The following TTC28 variants were observed in gnomAD, a reference collection of about 807,000 sequenced individuals.
TTC28 encodes the protein tetratricopeptide repeat domain 28, also known as tetratricopeptide repeat protein 28.
Under a neutral mutation model 198.0 loss-of-function variants are expected in TTC28, and 61 were observed. The observed-to-expected ratio is 0.31, with a 90% CI of 0.25 to 0.38. The LOEUF (loss-of-function observed/expected upper bound fraction) is 0.38. TTC28 is among the 10% of genes least tolerant of loss of function. The pLI, the probability that TTC28 is intolerant of heterozygous loss-of-function variation, is 1.00. For missense variants in TTC28, 2,678 were observed against 3,164.0 expected, an observed-to-expected ratio of 0.85 and a Z score of 3.69; for synonymous variants, 1,171 against 1,297.8, an observed-to-expected ratio of 0.90 and a Z score of 2.10.
At chr22:28,534,466 G>A in intron 2 of TTC28, among the ~76,000 whole-genome samples, 1 of 152,206 alleles carries the variant, frequency 6.6e-6, no homozygotes, top group Non-Finnish European at 1.5e-5. Flanking sequence ...CTGTTGGTGG[G>A]ACTGTAAACT....
intron 5 of TTC28, among the ~76,000 whole-genome samples, chr22:28,264,293 C>T (rs1931532963): frequency 6.6e-6 from 1 of 152,130 alleles, no homozygotes; most frequent in East Asian, 1.9e-4. Context: ...TGCCCTTGCT[C>T]CTCCTTCACC....
At chr22:28,264,376 T>C (rs1279563748) in intron 5 of TTC28, among the ~76,000 whole-genome samples, 2 of 152,124 alleles carry the variant, frequency 1.3e-5, no homozygotes, top group Non-Finnish European at 2.9e-5. Flanking sequence ...TCTTTATAAA[T>C]TACCCATTCT....
chr22:28,253,622 T>C lies in TTC28; in HGVS notation c.933+42576A>G, dbSNP rs547505265. Among the ~76,000 whole-genome samples the C allele has an allele frequency of 2.0e-5, 3 of 152,322 alleles. No homozygotes were observed. The East Asian group carries it at 5.8e-4, about 29-fold the overall frequency. ...TGAAAAATGATGACTTAACTGTGTA[T>C]TGTGGTAGGAACAGGTAGAAGATTA... is the stretch of plus-strand genomic sequence containing the variant. On this transcript the variant is annotated intron_variant, in intron 5 of 22. Coordinates refer to ENST00000397906, the MANE Select transcript of TTC28 (RefSeq NM_001145418.2).
intron 2 of TTC28, among the ~76,000 whole-genome samples, chr22:28,385,978 A>C (rs989886275): frequency 6.6e-6 from 1 of 152,128 alleles, no homozygotes; most frequent in East Asian, 1.9e-4. Context: ...CCCATTTTCT[A>C]TAAGAAGGCT....
At chr22:28,656,052 A>G (rs571020311) in intron 1 of TTC28, among the ~76,000 whole-genome samples, 1 of 152,144 alleles carries the variant, frequency 6.6e-6, no homozygotes, top group Non-Finnish European at 1.5e-5. Flanking sequence ...TTTTAAGTAA[A>G]AAGCTGAAAG....
chr22:28,469,365 T>C (rs2048069180), intron 2 of TTC28, among the ~76,000 whole-genome samples: 1 of 152,164 alleles, frequency 6.6e-6, no homozygotes, highest in Non-Finnish European at 1.5e-5. Context: ...TAAGAGACTA[T>C]GGTAAACTAA....
At chr22:28,508,404 C>T (rs1224916957) in intron 2 of TTC28, among the ~76,000 whole-genome samples, 1 of 152,190 alleles carries the variant, frequency 6.6e-6, no homozygotes, top group East Asian at 1.9e-4. Flanking sequence ...CTATCTCAGC[C>T]TCCTGAGTAC....
intron 2 of TTC28, among the ~76,000 whole-genome samples, chr22:28,365,744 C>G (rs558633520): frequency 6.6e-6 from 1 of 152,322 alleles, no homozygotes; most frequent in Non-Finnish European, 1.5e-5. Flanking sequence ...CTTCTAATCA[C>G]TTCTCCTTTT....
intron 2 of TTC28, among the ~76,000 whole-genome samples, chr22:28,364,672 T>C (rs2046215519): frequency 6.6e-6 from 1 of 152,178 alleles, no homozygotes; most frequent in African/African-American, 2.4e-5. Flanking sequence ...TTTGAGGGGC[T>C]CAAGACTTCA....
At chr22:28,490,602 A>C (rs1260554399) in intron 2 of TTC28, among the ~76,000 whole-genome samples, 6 of 152,240 alleles carry the variant, frequency 3.9e-5, no homozygotes, top group African/African-American at 1.4e-4. Context: ...TGGACTATTC[A>C]AATAGTAAGA....
At chr22:28,513,735 T>G (rs2048730385) in intron 2 of TTC28, among the ~76,000 whole-genome samples, 1 of 152,154 alleles carries the variant, frequency 6.6e-6, no homozygotes, top group Non-Finnish European at 1.5e-5. Flanking sequence ...TAAAGAGTAT[T>G]TCCAAATTTT....
chr22:28,605,490 C>G (rs1310434893), intron 2 of TTC28, among the ~76,000 whole-genome samples: 1 of 152,110 alleles, frequency 6.6e-6, no homozygotes, highest in Admixed American at 6.6e-5. Context: ...CTAACATGTA[C>G]CCAAGAAGAG....
intron 6 of TTC28, among the ~76,000 whole-genome samples, chr22:28,141,623 G>A (rs1300036542): frequency 6.6e-6 from 1 of 152,154 alleles, no homozygotes; most frequent in African/African-American, 2.4e-5. Flanking sequence ...AGGGAAAAGA[G>A]TAGCTGTCTC....
At chr22:28,083,957 C>T (rs1362168543) in intron 12 of TTC28, among the ~76,000 whole-genome samples, 1 of 152,208 alleles carries the variant, frequency 6.6e-6, no homozygotes, top group Non-Finnish European at 1.5e-5. Flanking sequence ...GGAAGCGAGG[C>T]TGTGGGAGGG....
chr22:28,273,133 A>C (rs1932196831), intron 5 of TTC28, among the ~76,000 whole-genome samples: 1 of 152,182 alleles, frequency 6.6e-6, no homozygotes, highest in Non-Finnish European at 1.5e-5. Context: ...CTAATTCTTA[A>C]CTGGATTAAG....
At chr22:28,330,450 T>C (rs2045597023) in intron 2 of TTC28, among the ~76,000 whole-genome samples, 1 of 152,200 alleles carries the variant, frequency 6.6e-6, no homozygotes, top group Non-Finnish European at 1.5e-5. Flanking sequence ...ATGATTATGG[T>C]GTGCTATTTG....
At chr22:28,580,359 T>C (rs2146054178) in intron 2 of TTC28, among the ~76,000 whole-genome samples, 1 of 152,284 alleles carries the variant, frequency 6.6e-6, no homozygotes, top group African/African-American at 2.4e-5. Context: ...ATGAGTCCCA[T>C]GAATTTATCT....
chr22:28,050,319 G>GC (rs1390181021), intron 12 of TTC28, among the ~76,000 whole-genome samples: 2 of 152,160 alleles, frequency 1.3e-5, no homozygotes, highest in African/African-American at 4.8e-5. Context: ...GTTCACAGAG[G>GC]CATTTCCATT....
chr22:28,029,153 A>G, intron 13 of TTC28: 1 of 470,262 alleles, frequency 2.1e-6, no homozygotes, highest in Non-Finnish European at 4.4e-6. Context: ...ACACCTGTGA[A>G]GGTGGCTGGG....
Sources: allele counts gnomAD v4.1 joint callset (sites outside exome capture counted in the v4.1 genomes callset), GRCh38; gene constraint gnomAD v4.1.1; transcripts MANE v1.5; gene names NCBI Gene and HGNC (gene_info 2026-07-23, HGNC 2026-07-21).